Variants in KRIT1 observed in about 807,000 individuals in gnomAD.
The protein encoded by KRIT1 is KRIT1 ankyrin repeat containing, also known as krev interaction trapped protein 1.
Under a neutral mutation model 95.8 loss-of-function variants are expected in KRIT1, and 45 were observed. The ratio of observed to expected loss-of-function variants is 0.47; its 90% confidence interval spans 0.37 to 0.60. The LOEUF is 0.60. Among genes scored for constraint, KRIT1 ranks in the 20% least tolerant of loss-of-function variants. The pLI is 0.00. For missense variants in KRIT1, 788 were observed against 877.5 expected, an observed-to-expected ratio of 0.90 and a Z score of 1.29; for synonymous variants, 282 against 278.8, an observed-to-expected ratio of 1.01 and a Z score of -0.11.
chr7:92,225,376 T>C (rs1327060358), intron 12 of KRIT1, among the ~76,000 whole-genome samples: 1 of 152,080 alleles, frequency 6.6e-6, no homozygotes, highest in African/African-American at 2.4e-5. Flanking sequence ...GGCACAATCT[T>C]GGCTCACTGC....
At chr7:92,207,864 A>T (rs1408898418) in intron 17 of KRIT1, among the ~76,000 whole-genome samples, 1 of 152,176 alleles carries the variant, frequency 6.6e-6, no homozygotes, top group Non-Finnish European at 1.5e-5. Context: ...TCTCTAAAAA[A>T]ATATAAACAA....
At chr7:92,206,109 G>C (rs1284068637) in intron 17 of KRIT1, 1 of 153,336 alleles carries the variant, frequency 6.5e-6, no homozygotes, top group African/African-American at 2.4e-5. Flanking sequence ...AGCCTGCTCT[G>C]CCCACTGCCA....
Position 92,217,528 on chromosome 7 carries a change from T to G in KRIT1, c.1564-2751A>C, listed in dbSNP as rs118108553. Among the ~76,000 whole-genome samples, 100 of 152,334 alleles carry G rather than the reference T, an allele frequency of 6.6e-4. 1 individual carries two copies. The East Asian group carries it at 0.016, about 25-fold the overall frequency. On this transcript the variant is annotated intron_variant, in intron 14 of 18. Coordinates refer to ENST00000394505, the MANE Select transcript of KRIT1 (RefSeq NM_194454.3). ...ACTTGATATAAGTAGAATTAAATAT[T>G]TGTTCTTTTGTGTCTGGTTTATTTA...
intron 4 of KRIT1, among the ~76,000 whole-genome samples, chr7:92,241,721 G>A (rs1799690671): frequency 6.6e-6 from 1 of 152,126 alleles, no homozygotes; most frequent in Non-Finnish European, 1.5e-5. Flanking sequence ...AGTTTGGATT[G>A]AAATTTTAAG....
At chr7:92,232,736 C>T (rs1003787759) in intron 10 of KRIT1, among the ~76,000 whole-genome samples, 1 of 152,060 alleles carries the variant, frequency 6.6e-6, no homozygotes, top group Non-Finnish European at 1.5e-5. Flanking sequence ...CTGTGTTGCC[C>T]AGGCTGGAGT....
chr7:92,233,161 TACACACAC>T (rs139965359), intron 10 of KRIT1, among the ~76,000 whole-genome samples: 48,943 of 149,360 alleles, frequency 0.33, 8,185 homozygotes, highest in Non-Finnish European at 0.37. Context: ...GATCTTTTTA[TACACACAC>T]ACACACACAC....
chr7:92,214,523 A>C (rs1186469452), intron 15 of KRIT1, 88 bp downstream of exon 15: 6 of 973,978 alleles, frequency 6.2e-6, no homozygotes, highest in Non-Finnish European at 9.5e-6. Context: ...TGTAATGTAT[A>C]AATATTTTCT....
chr7:92,222,703 A>G (rs915754300), intron 13 of KRIT1, 119 bp downstream of exon 13: 1 of 694,826 alleles, frequency 1.4e-6, no homozygotes, highest in Non-Finnish European at 2.5e-6. Flanking sequence ...ATAAAAGAGA[A>G]GAACATTGTA....
chr7:92,237,864 G>A, intron 5 of KRIT1, 105 bp from the exon 6 acceptor site: 2 of 683,018 alleles, frequency 2.9e-6, no homozygotes, highest in South Asian at 3.3e-5. Flanking sequence ...AGCATTAAGA[G>A]GAACTGAAAT....
chr7:92,222,746 G>A, intron 13 of KRIT1, 76 bp downstream of exon 13: 3 of 849,840 alleles, frequency 3.5e-6, no homozygotes, highest in Admixed American at 1.9e-5. Context: ...AGAATAAAAA[G>A]AAGTTGTATT....
chr7:92,242,605 AG>A (rs1173079764), intron 3 of KRIT1, among the ~76,000 whole-genome samples: 1 of 152,246 alleles, frequency 6.6e-6, no homozygotes, highest in Non-Finnish European at 1.5e-5. Context: ...TGGAAATGGT[AG>A]ATGTTTTATA....
Position 92,214,611 on chromosome 7 carries a change from T to G in KRIT1, c.1730A>C (p.Asn577Thr), listed in dbSNP as rs758260736. Residue 577 changes from asparagine (N) to threonine (T), a missense_variant and splice_region_variant, in exon 15 of 19, where the codon AAT (asparagine) becomes ACT (threonine). Asn to Thr is a moderately conservative substitution (Grantham distance 65). Coordinates refer to ENST00000394505, the MANE Select transcript of KRIT1 (RefSeq NM_194454.3). ...ESKKHKQGFLNEENLKSIVPV... is the reference protein window; with the variant it reads ...ESKKHKQGFLTEENLKSIVPV... Reference sequence around the variant, plus strand: ...ACCATGCATAATATTAAATACTTACTTTAGGAAACCTTGCTTGTGTTTTTT... The same window carrying G: ...ACCATGCATAATATTAAATACTTACGTTAGGAAACCTTGCTTGTGTTTTTT... The G allele has an allele frequency of 6.2e-7, 1 of 1,607,294 alleles. No individual in the cohort carries two copies. The highest frequency in any genetic ancestry group is 8.5e-7 in the Non-Finnish European group (1 of 1,174,038).
intron 15 of KRIT1, 22 bp from the exon 16 acceptor site, chr7:92,214,001 T>G: frequency 7.2e-7 from 1 of 1,397,412 alleles, no homozygotes; most frequent in Non-Finnish European, 1.0e-6. Flanking sequence ...CATGCCAACA[T>G]CCTTTAAATA....
At chr7:92,232,751 T>C (rs1797581021) in intron 10 of KRIT1, among the ~76,000 whole-genome samples, 1 of 152,192 alleles carries the variant, frequency 6.6e-6, no homozygotes, top group Non-Finnish European at 1.5e-5. Context: ...TGGAGTGCAG[T>C]GGCGTGATCT....
intron 17 of KRIT1, 123 bp from the exon 18 acceptor site, chr7:92,201,546 A>T: frequency 1.4e-6 from 1 of 698,188 alleles, no homozygotes. Context: ...TTTTCTAAAA[A>T]TTATTATACT....
chr7:92,204,464 A>G (rs1332215619), intron 17 of KRIT1, among the ~76,000 whole-genome samples: 1 of 151,846 alleles, frequency 6.6e-6, no homozygotes, highest in Admixed American at 6.6e-5. Flanking sequence ...TTCTATTACT[A>G]TTATATTGTA....
intron 12 of KRIT1, 109 bp downstream of exon 12, chr7:92,225,611 C>G (rs749423780): frequency 1.7e-5 from 12 of 724,942 alleles, no homozygotes; most frequent in Non-Finnish European, 3.0e-5. Context: ...GGTTTTATAG[C>G]AGTAAAGAAG....
chr7:92,241,232 T>C, intron 4 of KRIT1, 80 bp from the exon 5 acceptor site: 1 of 1,027,468 alleles, frequency 9.7e-7, no homozygotes, highest in Non-Finnish European at 1.5e-6. Flanking sequence ...TAGCAGTCTT[T>C]CTCAACTCTA....
At chr7:92,200,926 T>C (rs1789994568) in intron 18 of KRIT1, 122 bp from the exon 19 acceptor site, 2 of 736,880 alleles carry the variant, frequency 2.7e-6, no homozygotes, top group East Asian at 5.4e-5. Context: ...AGACAGCTTG[T>C]TAAGAGAGAG....
Sources: gnomAD v4.1 joint callset for allele counts (sites outside exome capture counted in the v4.1 genomes callset) on GRCh38, gnomAD v4.1.1 for gene constraint, MANE v1.5 for transcripts, NCBI Gene and HGNC (gene_info 2026-07-23, HGNC 2026-07-21) for gene names.